Variants in NEDD4 observed in about 807,000 individuals in gnomAD.
NEDD4 encodes the protein NEDD4 E3 ubiquitin protein ligase.
Under a neutral mutation model 144.9 loss-of-function variants are expected in NEDD4, and 99 were observed. The ratio of observed to expected loss-of-function variants is 0.68; its 90% confidence interval spans 0.58 to 0.81. The LOEUF (loss-of-function observed/expected upper bound fraction) is 0.81. Ranked by LOEUF, NEDD4 falls within the 30% of genes least tolerant of loss-of-function variation. NEDD4 has a pLI of 0.00. For synonymous variants in NEDD4, 318 were observed against 350.6 expected (o/e 0.91, Z 1.04); for missense variants, 985 against 1,065.9 (o/e 0.92, Z 1.06).
chr15:55,970,307 C>A (rs1199941075), intron 1 of NEDD4, among the ~76,000 whole-genome samples: 2 of 152,168 alleles, frequency 1.3e-5, no homozygotes, highest in Non-Finnish European at 2.9e-5. Flanking sequence ...TCCTGGACAG[C>A]ATTTCTAGAA....
intron 5 of NEDD4, chr15:55,915,884 T>C (rs769899171): frequency 4.3e-6 from 7 of 1,613,918 alleles, no homozygotes; most frequent in Non-Finnish European, 5.9e-6. Context: ...AAAGAAATCC[T>C]TTAGCACTAG....
In NEDD4 at chr15:55,980,089, C is replaced by T. The variant is rs141832191; in HGVS notation, c.45+13422G>A. Reference sequence around the variant, plus strand: ...TCCCAAGTAGCTGGGATTACAGGCGCGTGCCACTATGCCCAGCTAATTTTT... The same window carrying T: ...TCCCAAGTAGCTGGGATTACAGGCGTGTGCCACTATGCCCAGCTAATTTTT... On this transcript the variant is annotated intron_variant, in intron 1 of 28. Transcript: ENST00000435532. Among the ~76,000 whole-genome samples, 737 of 152,050 alleles carry T rather than the reference C, an allele frequency of 4.8e-3. 7 individuals are homozygous for T. Among genetic ancestry groups the T allele is most frequent in the African/African-American group, 0.017 (704 of 41,468 alleles).
intron 8 of NEDD4, among the ~76,000 whole-genome samples, chr15:55,864,674 C>T (rs754584115): frequency 1.5e-5 from 2 of 129,278 alleles, no homozygotes; most frequent in Non-Finnish European, 3.2e-5. Context: ...AAGAGTGAAA[C>T]TCTGTCTCAT....
At chr15:55,945,242 T>C (rs1238853152) in intron 4 of NEDD4, among the ~76,000 whole-genome samples, 4 of 152,038 alleles carry the variant, frequency 2.6e-5, no homozygotes, top group African/African-American at 4.8e-5. Flanking sequence ...TTCTAACCCA[T>C]TGCAAGGAAC....
intron 8 of NEDD4, among the ~76,000 whole-genome samples, chr15:55,865,462 C>A (rs1426057299): frequency 6.6e-6 from 1 of 151,652 alleles, no homozygotes; most frequent in Non-Finnish European, 1.5e-5. Context: ...TTAAGTATGA[C>A]ACCAAACCTT....
At chr15:55,889,825 T>G (rs1173350196) in intron 5 of NEDD4, among the ~76,000 whole-genome samples, 1 of 152,048 alleles carries the variant, frequency 6.6e-6, no homozygotes, top group African/African-American at 2.4e-5. Context: ...CTCAGCCTCT[T>G]GAGTAGCTAG....
intron 5 of NEDD4, among the ~76,000 whole-genome samples, chr15:55,908,659 G>T (rs2036176874): frequency 1.3e-5 from 2 of 152,190 alleles, no homozygotes; most frequent in East Asian, 3.8e-4. Context: ...AGATCGCCAT[G>T]TTATTTACAT....
At chr15:55,911,487 T>G (rs2036270498) in intron 5 of NEDD4, among the ~76,000 whole-genome samples, 2 of 152,162 alleles carry the variant, frequency 1.3e-5, no homozygotes, top group Admixed American at 1.3e-4. Context: ...TTTCTACTTT[T>G]TCATACACAC....
At chr15:55,923,659 A>ATATATAT (rs1555404568) in intron 5 of NEDD4, among the ~76,000 whole-genome samples, 5 of 135,268 alleles carry the variant, frequency 3.7e-5, no homozygotes, top group African/African-American at 1.1e-4. Context: ...AAAAAAAAAA[A>ATATATAT]ATATATATAT....
chr15:55,860,630 C>T, intron 10 of NEDD4, 31 bp downstream of exon 10: 1 of 1,613,222 alleles, frequency 6.2e-7, no homozygotes, highest in East Asian at 2.2e-5. Flanking sequence ...TAGCATGTGT[C>T]TTTCAAGGAG....
chr15:55,930,012 T>C (rs557551033), intron 4 of NEDD4, among the ~76,000 whole-genome samples: 1 of 152,062 alleles, frequency 6.6e-6, no homozygotes, highest in African/African-American at 2.4e-5. Flanking sequence ...AAAAACTAAG[T>C]TGAAGGGAAA....
chr15:55,928,286 A>G (rs538690399), intron 4 of NEDD4, among the ~76,000 whole-genome samples: 2 of 152,338 alleles, frequency 1.3e-5, no homozygotes, highest in African/African-American at 4.8e-5. Context: ...TGCTGGGATT[A>G]CAGGCGTGAG....
chr15:55,842,867 CATT>C (rs2033577061), intron 18 of NEDD4, among the ~76,000 whole-genome samples: 1 of 152,202 alleles, frequency 6.6e-6, no homozygotes, highest in South Asian at 2.1e-4. Context: ...TTGCTTCACT[CATT>C]AACAGATGGT....
At chr15:55,889,333 C>A (rs966885862) in intron 5 of NEDD4, among the ~76,000 whole-genome samples, 12 of 152,252 alleles carry the variant, frequency 7.9e-5, no homozygotes, top group Admixed American at 7.8e-4. Flanking sequence ...CCAAAGTATC[C>A]ATCAACAGAC....
intron 9 of NEDD4, among the ~76,000 whole-genome samples, chr15:55,861,494 G>A (rs2142036028): frequency 6.6e-6 from 1 of 152,162 alleles, no homozygotes; most frequent in East Asian, 1.9e-4. Context: ...GGTGACTACA[G>A]TCAATAATAA....
chr15:55,857,343 T>A (rs1412533688), intron 11 of NEDD4, among the ~76,000 whole-genome samples: 1 of 152,182 alleles, frequency 6.6e-6, no homozygotes, highest in Non-Finnish European at 1.5e-5. Flanking sequence ...TTATTTATTT[T>A]TTTGAGACAG....
intron 5 of NEDD4, among the ~76,000 whole-genome samples, chr15:55,908,694 G>C (rs2142183499): frequency 6.6e-6 from 1 of 152,216 alleles, no homozygotes; most frequent in East Asian, 1.9e-4. Context: ...AAAAATCACT[G>C]GCCCAGCTGA....
rs2033530191 is a variant in NEDD4, at chr15:55,841,953, A to G, written c.1819T>C (p.Leu607=). 9 of 1,613,342 alleles carry G rather than the reference A, an allele frequency of 5.6e-6. No individual in the cohort carries two copies. In the Admixed American group the frequency reaches 6.7e-5, roughly 12 times the overall value. The part of the protein sequence containing the change: ...SKEMFNPYYG[L]FEYSATDNYT... ...ACTTACGTAGCAGAATATTCAAACAACCCATAATAAGGGTTAAACATTTCC... is the reference window on the plus strand; with the variant it reads ...ACTTACGTAGCAGAATATTCAAACAGCCCATAATAAGGGTTAAACATTTCC... The change falls in exon 19 of 29, where the codon TTG becomes CTG. Residue 607 remains leucine (L), a synonymous_variant. Transcript: ENST00000435532.
chr15:55,835,203 G>A (rs541885981), intron 24 of NEDD4, among the ~76,000 whole-genome samples: 3 of 152,136 alleles, frequency 2.0e-5, no homozygotes, highest in South Asian at 2.1e-4. Context: ...CACTGCAATC[G>A]GACTTCTACA....
Sources: gnomAD v4.1 joint callset for allele counts (sites outside exome capture counted in the v4.1 genomes callset) on GRCh38, gnomAD v4.1.1 for gene constraint, MANE v1.5 for transcripts, NCBI Gene and HGNC (gene_info 2026-07-23, HGNC 2026-07-21) for gene names.